Variants in ELK3 observed in about 807,000 individuals in gnomAD.
ELK3 encodes the protein ETS domain-containing protein Elk-3.
ELK3 carries 10 observed loss-of-function variants against 28.9 expected under a neutral mutation model. The ratio of observed to expected loss-of-function variants is 0.35; its 90% CI spans 0.21 to 0.59. ELK3 has a LOEUF of 0.59. Ranked by LOEUF, ELK3 falls within the 20% of genes least tolerant of loss-of-function variation. The pLI, the probability that ELK3 is intolerant of heterozygous loss-of-function variation, is 0.82. For synonymous variants in ELK3, 272 were observed against 243.5 expected (o/e 1.12, Z -1.09); for missense variants, 463 against 517.3 (o/e 0.90, Z 1.02).
chr12:96,194,761 T>C (rs1262050797), intron 1 of ELK3, 56 bp downstream of exon 1: 1 of 141,782 alleles, frequency 7.1e-6, no homozygotes, highest in Non-Finnish European at 1.5e-5. Context: ...TGTTTGGGGG[T>C]GTTTTCTTTT....
chr12:96,256,391 C>G (rs1186557625), intron 3 of ELK3, among the ~76,000 whole-genome samples: 1 of 152,068 alleles, frequency 6.6e-6, no homozygotes, highest in Admixed American at 6.6e-5. Context: ...CACTCTCGGT[C>G]AGTATTTATT....
intron 3 of ELK3, among the ~76,000 whole-genome samples, chr12:96,258,557 G>A (rs1232528819): frequency 6.6e-6 from 1 of 152,200 alleles, no homozygotes; most frequent in African/African-American, 2.4e-5. Context: ...CGCCTTTGCT[G>A]TGGTTCTTCT....
chr12:96,254,554 G>A (rs1439906655), intron 3 of ELK3, among the ~76,000 whole-genome samples: 1 of 152,092 alleles, frequency 6.6e-6, no homozygotes, highest in Non-Finnish European at 1.5e-5. Context: ...AAGCGCTTTA[G>A]GAGCTGAGGG....
chr12:96,261,324 G>C (rs1219423177), intron 4 of ELK3, among the ~76,000 whole-genome samples: 1 of 152,090 alleles, frequency 6.6e-6, no homozygotes, highest in Non-Finnish European at 1.5e-5. Flanking sequence ...ACAACAACTT[G>C]AGCTATAGTC....
At chr12:96,249,676 G>T (rs893031850) in intron 3 of ELK3, among the ~76,000 whole-genome samples, 32 of 34,678 alleles carry the variant, frequency 9.2e-4, no homozygotes, top group African/African-American at 3.5e-3. Flanking sequence ...TGTGTTCCCT[G>T]GGAGCCTGGA....
intron 2 of ELK3, among the ~76,000 whole-genome samples, chr12:96,226,733 TCTTG>T (rs1951704584): frequency 6.6e-6 from 1 of 152,238 alleles, no homozygotes; most frequent in African/African-American, 2.4e-5. Flanking sequence ...GCTGGTTAAT[TCTTG>T]CTTATAAAAT....
At chr12:96,229,034 C>T (rs561082355) in intron 2 of ELK3, among the ~76,000 whole-genome samples, 3 of 152,300 alleles carry the variant, frequency 2.0e-5, no homozygotes, top group East Asian at 1.9e-4. Flanking sequence ...CTGACTTCAT[C>T]GTGGCCTTCT....
intron 1 of ELK3, among the ~76,000 whole-genome samples, chr12:96,201,273 G>A (rs762160156): frequency 6.6e-5 from 10 of 152,268 alleles, no homozygotes; most frequent in Middle Eastern, 3.4e-3. Context: ...ATTGGGATGA[G>A]AGGATATTAG....
intron 1 of ELK3, among the ~76,000 whole-genome samples, chr12:96,209,520 C>G (rs1355635855): frequency 2.0e-5 from 3 of 152,350 alleles, no homozygotes; most frequent in Admixed American, 6.5e-5. Context: ...CTTTCATCAG[C>G]TTCTTCTTTA....
intron 1 of ELK3, among the ~76,000 whole-genome samples, chr12:96,204,497 T>C (rs1461131963): frequency 2.2e-4 from 34 of 152,202 alleles, no homozygotes; most frequent in Admixed American, 2.2e-3. Context: ...AAGGAGCAAT[T>C]TGTTGATAGG....
chr12:96,264,386 G>C (rs1952014534), intron 4 of ELK3, among the ~76,000 whole-genome samples: 1 of 152,218 alleles, frequency 6.6e-6, no homozygotes, highest in Admixed American at 6.5e-5. Flanking sequence ...GTGAGCTCAA[G>C]AGAGGCAGAC....
intron 1 of ELK3, among the ~76,000 whole-genome samples, chr12:96,206,163 A>T (rs531483622): frequency 1.3e-5 from 2 of 152,214 alleles, no homozygotes; most frequent in East Asian, 3.9e-4. Flanking sequence ...TGTTTTTTTT[A>T]AACCTAAATA....
intron 2 of ELK3, among the ~76,000 whole-genome samples, chr12:96,244,536 A>C (rs190823334): frequency 7.9e-6 from 1 of 126,072 alleles, no homozygotes; most frequent in East Asian, 2.2e-4. Flanking sequence ...CTGTGTTTTT[A>C]TTTTGGCTCT....
chr12:96,257,369 G>T (rs564285383), intron 3 of ELK3, among the ~76,000 whole-genome samples: 1 of 152,340 alleles, frequency 6.6e-6, no homozygotes, highest in Admixed American at 6.5e-5. Flanking sequence ...AGACATTTCA[G>T]ACATATTAAA....
chr12:96,250,750 T>A (rs1172878139), intron 3 of ELK3, among the ~76,000 whole-genome samples: 1 of 152,236 alleles, frequency 6.6e-6, no homozygotes, highest in African/African-American at 2.4e-5. Context: ...TGCAGTGTGA[T>A]GCTGTGTGCA....
chr12:96,210,832 A>G (rs1314130848), intron 1 of ELK3, among the ~76,000 whole-genome samples: 1 of 152,262 alleles, frequency 6.6e-6, no homozygotes, highest in Non-Finnish European at 1.5e-5. Context: ...AGATGAGGCA[A>G]CACCAGAAAT....
At chr12:96,243,829 C>T (rs1303020711) in intron 2 of ELK3, among the ~76,000 whole-genome samples, 2 of 150,312 alleles carry the variant, frequency 1.3e-5, no homozygotes, top group South Asian at 2.1e-4. Flanking sequence ...GGCAACAGAG[C>T]GAGACTCCAT....
chr12:96,210,559 G>GCACACACACACA (rs199706864), intron 1 of ELK3, among the ~76,000 whole-genome samples: 18 of 143,060 alleles, frequency 1.3e-4, no homozygotes, highest in African/African-American at 2.6e-4. Flanking sequence ...CTGCGCGCGG[G>GCACACACACACA]CGCACGCACA....
At position 96,269,139 on chromosome 12, in the gene ELK3, G is replaced by T. The variant is rs557672990; in HGVS notation, c.*1959G>T. Reference sequence around the variant, plus strand: ...CACAGCTCACTGAAGGTAGAACAATGATTGGTGCTCAGTCCAATTCTGTCT... The same window carrying T: ...CACAGCTCACTGAAGGTAGAACAATTATTGGTGCTCAGTCCAATTCTGTCT... On this transcript the variant is annotated 3_prime_UTR_variant, in exon 5 of 5. Coordinates refer to ENST00000228741, the MANE Select transcript of ELK3 (RefSeq NM_005230.4). The T allele has an allele frequency of 1.3e-5, 2 of 152,186 alleles. No individual in the cohort carries two copies. The highest frequency in any genetic ancestry group is 4.1e-4 in the South Asian group (2 of 4,826). The allele number at this position is 152,186 out of a possible 1,614,324, so 9.4% of individuals were successfully genotyped here.
Sources: gnomAD v4.1 joint callset for allele counts (sites outside exome capture counted in the v4.1 genomes callset) on GRCh38, gnomAD v4.1.1 for gene constraint, MANE v1.5 for transcripts, NCBI Gene and HGNC (gene_info 2026-07-23, HGNC 2026-07-21) for gene names.